Variants in KYAT1 observed in about 807,000 individuals in gnomAD.
KYAT1 encodes kynurenine--oxoglutarate transaminase 1.
In KYAT1, 47 loss-of-function variants were observed where a neutral mutation model predicts 52.4. The ratio of observed to expected loss-of-function variants is 0.90; its 90% CI spans 0.71 to 1.14. The LOEUF is 1.14. Ranked by LOEUF, KYAT1 falls within the 50% of genes most tolerant of loss-of-function variation. The pLI is 0.00. For synonymous variants in KYAT1, 212 were observed against 209.6 expected, an observed-to-expected ratio of 1.01 and a Z score of -0.10; for missense variants, 480 against 557.9, an observed-to-expected ratio of 0.86 and a Z score of 1.41.
Position 128,845,530 on chromosome 9 carries a change from G to T in KYAT1, c.-6-119C>A, listed in dbSNP as rs1003806958. The T allele has an allele frequency of 1.8e-5, 17 of 919,836 alleles. No individual in the cohort carries two copies. The East Asian group carries it at 2.1e-4, about 11-fold the overall frequency. 57.0% of individuals were successfully genotyped at this position (919,836 alleles called of 1,614,324 possible). On this transcript the variant is annotated intron_variant, in intron 1 of 12. Coordinates refer to ENST00000302586, the MANE Select transcript of KYAT1 (RefSeq NM_004059.5). ...AGCGCCATCCTGTCTGCTCCCAGGA[G>T]GGGGAAGAGATAGAGTTTGCAGAAG...
At chr9:128,866,597 T>C (rs1564493207) in intron 1 of KYAT1, among the ~76,000 whole-genome samples, 1 of 150,778 alleles carries the variant, frequency 6.6e-6, no homozygotes, top group Non-Finnish European at 1.5e-5. Flanking sequence ...AGACTCTGTC[T>C]CAAAAAGAAA....
In KYAT1 at chr9:128,833,553, G is replaced by GGGAT; in HGVS notation, c.*27_*30dup. On this transcript the variant is annotated 3_prime_UTR_variant, in exon 13 of 13. Transcript: ENST00000302586. ...CAAAGAGGATCTCTGCGGGCATGTG[G>GGGAT]GGATGTCAGGGCCAAGGCGTGACTT... 6.2e-7 allele frequency: 1 copy of GGGAT among 1,604,696 alleles called. No homozygotes were observed. Among genetic ancestry groups the GGGAT allele is most frequent in the Non-Finnish European group, 8.5e-7 (1 of 1,171,388 alleles).
At chr9:128,835,753 C>T (rs371258028) in intron 9 of KYAT1, 26 bp downstream of exon 9, 5 of 1,607,124 alleles carry the variant, frequency 3.1e-6, no homozygotes, top group Non-Finnish European at 4.2e-6. Context: ...CCCCCCACTC[C>T]CCCGTGACGT....
At chr9:128,881,354 T>C (rs1424624914) in intron 1 of KYAT1, among the ~76,000 whole-genome samples, 1 of 152,224 alleles carries the variant, frequency 6.6e-6, no homozygotes, top group African/African-American at 2.4e-5. Flanking sequence ...GTGCTGGGAT[T>C]ACAGACGTGA....
At chr9:128,836,111 G>C in intron 7 of KYAT1, 38 bp from the exon 8 acceptor site, 1 of 1,601,748 alleles carries the variant, frequency 6.2e-7, no homozygotes, top group Non-Finnish European at 8.5e-7. Flanking sequence ...TGAGACTGGG[G>C]TGAGGGGGAC....
intron 6 of KYAT1, 27 bp from the exon 7 acceptor site, chr9:128,836,949 C>A (rs762667025): frequency 3.1e-6 from 5 of 1,604,448 alleles, no homozygotes; most frequent in Non-Finnish European, 4.2e-6. Flanking sequence ...AGAGCACAGA[C>A]CTGCAGCTGG....
chr9:128,863,806 C>A (rs2130704336), intron 1 of KYAT1, among the ~76,000 whole-genome samples: 1 of 152,272 alleles, frequency 6.6e-6, no homozygotes, highest in East Asian at 1.9e-4. Flanking sequence ...GGTCACAGAG[C>A]AACCTGCTGG....
intron 1 of KYAT1, among the ~76,000 whole-genome samples, chr9:128,854,146 A>G (rs912305098): frequency 1.3e-5 from 2 of 152,252 alleles, no homozygotes; most frequent in African/African-American, 4.8e-5. Context: ...GAAATCCCTT[A>G]TAATTCCCAA....
In KYAT1 at chr9:128,857,045, C is replaced by T. The variant is rs535847957; in HGVS notation, c.-6-11634G>A. Among the ~76,000 whole-genome samples the T allele has an allele frequency of 4.6e-3, 698 of 152,310 alleles. 3 individuals carry two copies. Among genetic ancestry groups the T allele is most frequent in the African/African-American group, 0.011 (449 of 41,562 alleles). Reference sequence around the variant, plus strand: ...AGATAGGAGAAAAACCGCCCTATGGCGGGAGGCGAGACATGTTGGCAGCAA... The same window carrying T: ...AGATAGGAGAAAAACCGCCCTATGGTGGGAGGCGAGACATGTTGGCAGCAA... On this transcript the variant is annotated intron_variant, in intron 1 of 12. Coordinates refer to ENST00000302586, the MANE Select transcript of KYAT1 (RefSeq NM_004059.5).
intron 1 of KYAT1, among the ~76,000 whole-genome samples, chr9:128,862,997 T>C (rs1430876679): frequency 6.6e-6 from 1 of 151,936 alleles, no homozygotes; most frequent in Non-Finnish European, 1.5e-5. Context: ...GCTAATTTTT[T>C]TGTGTGTCTT....
intron 1 of KYAT1, among the ~76,000 whole-genome samples, chr9:128,866,104 G>A (rs912414406): frequency 6.6e-6 from 1 of 152,098 alleles, no homozygotes; most frequent in Admixed American, 6.5e-5. Flanking sequence ...CATTCCCTAA[G>A]CTAGCCACCA....
At chr9:128,845,130 A>G (rs1006696397) in intron 2 of KYAT1, among the ~76,000 whole-genome samples, 2 of 152,168 alleles carry the variant, frequency 1.3e-5, no homozygotes, top group African/African-American at 2.4e-5. Context: ...GATGAGGCTC[A>G]GAGCAGGTAT....
intron 1 of KYAT1, among the ~76,000 whole-genome samples, chr9:128,857,226 A>G (rs1834771500): frequency 1.3e-5 from 2 of 152,164 alleles, no homozygotes; most frequent in Admixed American, 6.5e-5. Flanking sequence ...TCTCCTTATT[A>G]TCACCCTGCT....
chr9:128,835,736 T>C, intron 9 of KYAT1, 43 bp downstream of exon 9: 2 of 1,604,986 alleles, frequency 1.2e-6, no homozygotes, highest in Non-Finnish European at 1.7e-6. Flanking sequence ...CTGGGCTCTT[T>C]TGTTGTCCCC....
chr9:128,857,814 C>T (rs947399458), intron 1 of KYAT1, among the ~76,000 whole-genome samples: 5 of 152,024 alleles, frequency 3.3e-5, no homozygotes, highest in Non-Finnish European at 7.4e-5. Flanking sequence ...CCAGCCTGGG[C>T]GACACAGCGA....
chr9:128,859,204 T>A (rs903545803), intron 1 of KYAT1, among the ~76,000 whole-genome samples: 4 of 147,948 alleles, frequency 2.7e-5, no homozygotes, highest in Non-Finnish European at 6.0e-5. Flanking sequence ...CTACTAAAAA[T>A]ACAGAAATTA....
At chr9:128,873,766 G>GA (rs201036542) in intron 1 of KYAT1, among the ~76,000 whole-genome samples, 5 of 146,972 alleles carry the variant, frequency 3.4e-5, no homozygotes, top group East Asian at 4.0e-4. Context: ...ATCTCAAAAA[G>GA]AAAAAAAAAA....
At position 128,877,163 on chromosome 9, in the gene KYAT1, G is replaced by A. The variant is rs1246110172; in HGVS notation, c.-7+4734C>T. ...TCTGCCTGCCTTGACCTCCCAAATTGCTGGAATTACAGGTGTGAACCACTG... is the reference window on the plus strand; with the variant it reads ...TCTGCCTGCCTTGACCTCCCAAATTACTGGAATTACAGGTGTGAACCACTG... On this transcript the variant is annotated intron_variant, in intron 1 of 12. Transcript: ENST00000302586. 3.3e-5 allele frequency among the ~76,000 whole-genome samples: 5 copies of A among 152,108 alleles called. 1 individual carries two copies. Among genetic ancestry groups the A allele is most frequent in the Non-Finnish European group, 5.9e-5 (4 of 68,024 alleles).
Position 128,865,336 on chromosome 9 carries a change from TATATATATATA to T in KYAT1, c.-7+16550_-7+16560del, listed in dbSNP as rs1836140904. On this transcript the variant is annotated intron_variant, in intron 1 of 12. Transcript: ENST00000302586. ...ATATATATATATATATATATATATA[TATATATATATA>T]TATATATATATATTTTTTTTTTTTT... Among the ~76,000 whole-genome samples the T allele has an allele frequency of 6.4e-3, 14 of 2,174 alleles. 1 individual carries two copies. The highest frequency in any genetic ancestry group is 0.012 in the Non-Finnish European group (8 of 686). 1.4% of individuals were successfully genotyped at this position (2,174 alleles called of 152,430 possible). A position where few individuals can be genotyped will look rare whatever the true frequency, so the allele number is the denominator to read the frequency against.
Sources: allele counts gnomAD v4.1 joint callset (sites outside exome capture counted in the v4.1 genomes callset), GRCh38; gene constraint gnomAD v4.1.1; transcripts MANE v1.5; gene names NCBI Gene and HGNC (gene_info 2026-07-23, HGNC 2026-07-21).